The following GRIK1 variants were observed in gnomAD, a reference collection of about 807,000 sequenced individuals.
GRIK1 encodes the protein glutamate ionotropic receptor kainate type subunit 1.
Under a neutral mutation model 105.7 loss-of-function variants are expected in GRIK1, and 69 were observed. The ratio of observed to expected loss-of-function variants is 0.65; its 90% CI spans 0.54 to 0.80. GRIK1 has a LOEUF of 0.80. Ranked by LOEUF, GRIK1 falls within the 30% of genes least tolerant of loss-of-function variation. GRIK1 has a pLI of 0.00. For missense variants in GRIK1, 1,109 were observed against 1,167.3 expected (o/e 0.95, Z 0.73); for synonymous variants, 438 against 431.3 (o/e 1.02, Z -0.19).
intron 1 of GRIK1, among the ~76,000 whole-genome samples, chr21:29,883,083 C>T: frequency 6.6e-6 from 1 of 152,020 alleles, no homozygotes; most frequent in East Asian, 1.9e-4. Context: ...ACCTGAGGGA[C>T]TCAATCCAAT....
Position 29,651,789 on chromosome 21 carries a change from G to A in GRIK1, c.781-498C>T, listed in dbSNP as rs1601374923. 2.6e-5 allele frequency among the ~76,000 whole-genome samples: 4 copies of A among 151,538 alleles called. No individual in the cohort carries two copies. The East Asian group carries it at 7.7e-4, about 29-fold the overall frequency. ...AAAAACATAATCTATATGGGGTTTGGCACCATACTAGATTTCAGGCATCTA... is the reference window on the plus strand; with the variant it reads ...AAAAACATAATCTATATGGGGTTTGACACCATACTAGATTTCAGGCATCTA... On this transcript the variant is annotated intron_variant, in intron 5 of 17. Transcript: ENST00000327783.
intron 1 of GRIK1, among the ~76,000 whole-genome samples, chr21:29,715,034 G>A (rs1422701975): frequency 6.6e-6 from 1 of 152,198 alleles, no homozygotes; most frequent in Non-Finnish European, 1.5e-5. Flanking sequence ...ATTGTAGCAT[G>A]ATATTGGATG....
chr21:29,817,296 A>G (rs1302725698), intron 1 of GRIK1, among the ~76,000 whole-genome samples: 1 of 152,154 alleles, frequency 6.6e-6, no homozygotes, highest in Non-Finnish European at 1.5e-5. Flanking sequence ...AAATAATTAT[A>G]GAGTGAAAAA....
At chr21:29,629,323 G>A (rs1485206820) in intron 7 of GRIK1, among the ~76,000 whole-genome samples, 2 of 151,638 alleles carry the variant, frequency 1.3e-5, no homozygotes, top group Admixed American at 6.6e-5. Flanking sequence ...TGGCAGAAAG[G>A]GCATTCTTAG....
At chr21:29,731,886 C>T (rs2064635234) in intron 1 of GRIK1, among the ~76,000 whole-genome samples, 1 of 151,740 alleles carries the variant, frequency 6.6e-6, no homozygotes, top group Non-Finnish European at 1.5e-5. Flanking sequence ...TCCACCTAAG[C>T]TCCATCATAA....
At chr21:29,635,267 T>C (rs1450172424) in intron 7 of GRIK1, among the ~76,000 whole-genome samples, 2 of 152,104 alleles carry the variant, frequency 1.3e-5, no homozygotes, top group African/African-American at 4.8e-5. Flanking sequence ...TCCCAATACA[T>C]AAGTATAAAG....
intron 7 of GRIK1, among the ~76,000 whole-genome samples, chr21:29,603,311 A>G (rs1488474128): frequency 6.6e-6 from 1 of 151,852 alleles, no homozygotes; most frequent in East Asian, 1.9e-4. Flanking sequence ...CTCGATGGCA[A>G]ACTAGATGTT....
At chr21:29,761,413 C>G (rs769092019) in intron 1 of GRIK1, 1 of 152,138 alleles carries the variant, frequency 6.6e-6, no homozygotes, top group African/African-American at 2.4e-5. Context: ...CCCTTGCTCT[C>G]TTTGAGGTAC....
intron 1 of GRIK1, among the ~76,000 whole-genome samples, chr21:29,836,702 AG>A (rs1405226860): frequency 1.3e-5 from 2 of 152,330 alleles, no homozygotes; most frequent in East Asian, 3.9e-4. Context: ...CACTATCATA[AG>A]CCCACAAATC....
At chr21:29,884,844 C>T (rs1420708467) in intron 1 of GRIK1, among the ~76,000 whole-genome samples, 1 of 151,958 alleles carries the variant, frequency 6.6e-6, no homozygotes, top group Non-Finnish European at 1.5e-5. Flanking sequence ...TACTTAATTG[C>T]TGGAAGGGAA....
chr21:29,908,808 C>G (rs2070725679), intron 1 of GRIK1, among the ~76,000 whole-genome samples: 1 of 152,060 alleles, frequency 6.6e-6, no homozygotes, highest in South Asian at 2.1e-4. Flanking sequence ...CAACAATGAA[C>G]AAGATTTCTC....
chr21:29,838,356 A>G (rs557560324), intron 1 of GRIK1, among the ~76,000 whole-genome samples: 72 of 152,282 alleles, frequency 4.7e-4, no homozygotes, highest in African/African-American at 1.4e-3. Context: ...ATGAAGACGG[A>G]TATCACAGAA....
chr21:29,831,320 C>T (rs764971831), intron 1 of GRIK1, among the ~76,000 whole-genome samples: 8 of 152,166 alleles, frequency 5.3e-5, no homozygotes, highest in Non-Finnish European at 1.0e-4. Context: ...CCTTCAGTTC[C>T]CCAAATGCTC....
chr21:29,559,872 C>G (rs2090348361), intron 15 of GRIK1, among the ~76,000 whole-genome samples: 2 of 152,078 alleles, frequency 1.3e-5, no homozygotes, highest in Non-Finnish European at 2.9e-5. Context: ...TCCTACATGT[C>G]TACAACTCTC....
intron 1 of GRIK1, among the ~76,000 whole-genome samples, chr21:29,769,695 GC>G (rs746222677): frequency 2.3e-4 from 35 of 152,050 alleles, no homozygotes; most frequent in Non-Finnish European, 5.1e-4. Flanking sequence ...ACCGGTCTAT[GC>G]CCCTGTGGGA....
chr21:29,806,453 A>T (rs2066866784), intron 1 of GRIK1, among the ~76,000 whole-genome samples: 1 of 152,134 alleles, frequency 6.6e-6, no homozygotes, highest in Admixed American at 6.6e-5. Flanking sequence ...CAGGTTTATG[A>T]TAATCATTTT....
At chr21:29,855,868 T>C (rs2068447411) in intron 1 of GRIK1, among the ~76,000 whole-genome samples, 1 of 152,184 alleles carries the variant, frequency 6.6e-6, no homozygotes, top group South Asian at 2.1e-4. Flanking sequence ...GGGAGAGATT[T>C]TTTTTTCAAG....
chr21:29,750,721 A>G (rs1187337007), intron 1 of GRIK1, among the ~76,000 whole-genome samples: 1 of 152,218 alleles, frequency 6.6e-6, no homozygotes, highest in Non-Finnish European at 1.5e-5. Context: ...AGGCTCTCTT[A>G]TAGATTCTCA....
At chr21:29,791,528 G>C (rs2066417310) in intron 1 of GRIK1, among the ~76,000 whole-genome samples, 1 of 152,020 alleles carries the variant, frequency 6.6e-6, no homozygotes, top group Non-Finnish European at 1.5e-5. Flanking sequence ...AATTTAAATA[G>C]TATAGTTTAG....
Sources: gnomAD v4.1 joint callset for allele counts (sites outside exome capture counted in the v4.1 genomes callset) on GRCh38, gnomAD v4.1.1 for gene constraint, MANE v1.5 for transcripts, NCBI Gene and HGNC (gene_info 2026-07-23, HGNC 2026-07-21) for gene names.